Variants in PSKH2 observed in about 807,000 individuals in gnomAD.
The protein encoded by PSKH2 is serine/threonine-protein kinase H2.
PSKH2 carries 16 observed loss-of-function variants against 22.5 expected under a neutral mutation model. The observed-to-expected ratio is 0.71, with a 90% CI of 0.48 to 1.08. The LOEUF (loss-of-function observed/expected upper bound fraction) is 1.08. PSKH2 is among the 50% of genes least tolerant of loss of function. The pLI is 0.00. For synonymous variants in PSKH2, 188 were observed against 184.8 expected, an observed-to-expected ratio of 1.02 and a Z score of -0.14; for missense variants, 516 against 492.8, an observed-to-expected ratio of 1.05 and a Z score of -0.44.
In PSKH2 at chr8:86,062,567, G is replaced by A. The variant is rs371078045; in HGVS notation, c.852+1398C>T. ...CTCATGATAGTGAGCGAGTTCTAAC[G>A]AGATCTGATGGTTTTATAAAGGGCT... On this transcript the variant is annotated intron_variant, in intron 2 of 2. Transcript: ENST00000276616. Among the ~76,000 whole-genome samples, 20 of 152,138 alleles carry A rather than the reference G, an allele frequency of 1.3e-4. No individual in the cohort carries two copies. In the East Asian group the frequency reaches 2.5e-3, roughly 19 times the overall value.
At chr8:86,053,997 A>T (rs1274512607) in intron 2 of PSKH2, among the ~76,000 whole-genome samples, 1 of 152,152 alleles carries the variant, frequency 6.6e-6, no homozygotes, top group Non-Finnish European at 1.5e-5. Flanking sequence ...TGATCATACC[A>T]CAGTAACCAG....
At chr8:86,059,065 G>A (rs1315712781) in intron 2 of PSKH2, among the ~76,000 whole-genome samples, 1 of 152,074 alleles carries the variant, frequency 6.6e-6, no homozygotes, top group Non-Finnish European at 1.5e-5. Context: ...TCAGCCTCCA[G>A]AATAGCGGGG....
intron 2 of PSKH2, among the ~76,000 whole-genome samples, chr8:86,063,069 G>A (rs905349151): frequency 6.6e-5 from 10 of 152,024 alleles, no homozygotes; most frequent in African/African-American, 2.2e-4. Context: ...CTACTTCCTT[G>A]TATAAATTTT....
chr8:86,068,654 T>C lies in PSKH2; in HGVS notation c.185+784A>G, dbSNP rs983738571. Among the ~76,000 whole-genome samples the C allele has an allele frequency of 2.0e-5, 3 of 152,318 alleles. No homozygotes were observed. The East Asian group carries it at 5.8e-4, about 29-fold the overall frequency. On this transcript the variant is annotated intron_variant, in intron 1 of 2. Transcript: ENST00000276616. ...TGGTACATGATAGAAGATATGGAAC[T>C]GGACCTCAAGTCTGGCTGACTCAAA...
At chr8:86,067,307 G>A (rs1490547670) in intron 1 of PSKH2, among the ~76,000 whole-genome samples, 1 of 151,826 alleles carries the variant, frequency 6.6e-6, no homozygotes, top group East Asian at 1.9e-4. Context: ...GTCCTCAACT[G>A]CCATGAATGG....
intron 1 of PSKH2, among the ~76,000 whole-genome samples, chr8:86,067,562 G>T (rs934526161): frequency 6.6e-6 from 1 of 151,426 alleles, no homozygotes; most frequent in African/African-American, 2.4e-5. Context: ...AGTTTAGTAG[G>T]TTGGACAATT....
intron 2 of PSKH2, among the ~76,000 whole-genome samples, chr8:86,061,230 G>A (rs911200679): frequency 6.6e-6 from 1 of 152,070 alleles, no homozygotes; most frequent in Non-Finnish European, 1.5e-5. Context: ...GTCTCCCCAG[G>A]AGTCTATCCA....
intron 2 of PSKH2, among the ~76,000 whole-genome samples, chr8:86,050,360 T>C (rs1792702840): frequency 1.3e-5 from 2 of 152,176 alleles, no homozygotes; most frequent in Non-Finnish European, 2.9e-5. Flanking sequence ...GGCTCTACGC[T>C]ATCTAACACC....
chr8:86,052,037 T>A (rs1198431902), intron 2 of PSKH2, among the ~76,000 whole-genome samples: 1 of 152,194 alleles, frequency 6.6e-6, no homozygotes, highest in Non-Finnish European at 1.5e-5. Context: ...CTATGTTTAG[T>A]AAAGTATAAA....
rs1817757460 is a variant in PSKH2 at position 86,060,261 on chromosome 8, T to TTTTGTGTGGCTCC, written c.852+3691_852+3703dup. Among the ~76,000 whole-genome samples, 5 of 152,226 alleles carry TTTTGTGTGGCTCC rather than the reference T, an allele frequency of 3.3e-5. No individual in the cohort carries two copies. In the South Asian group the frequency reaches 1.0e-3, roughly 32 times the overall value. On this transcript the variant is annotated intron_variant, in intron 2 of 2. Coordinates refer to ENST00000276616, the MANE Select transcript of PSKH2 (RefSeq NM_033126.3). ...ATTTGGCTCTTCTTTAAGTCTCATC[T>TTTTGTGTGGCTCC]TTTGTGTGGCTCCTGTGCACAGAAA...
chr8:86,049,728 AAGAAAGAAAGAAAGAAAG>A (rs1817593686), intron 2 of PSKH2, among the ~76,000 whole-genome samples: 1 of 64,486 alleles, frequency 1.6e-5, no homozygotes, highest in Middle Eastern at 7.7e-3. Context: ...GAAAGAAAGA[AAGAAAGAAAGAAAGAAAG>A]AAACGAAAGA....
At chr8:86,062,622 G>C (rs752268228) in intron 2 of PSKH2, among the ~76,000 whole-genome samples, 1 of 148,484 alleles carries the variant, frequency 6.7e-6, no homozygotes, top group African/African-American at 2.4e-5. Flanking sequence ...TCCTGTCACC[G>C]TGTGAGAAGG....
intron 2 of PSKH2, among the ~76,000 whole-genome samples, chr8:86,053,112 G>T (rs1006458317): frequency 2.0e-5 from 3 of 152,110 alleles, no homozygotes; most frequent in Non-Finnish European, 2.9e-5. Context: ...CCAGTTTTTT[G>T]ATGAACAATA....
At chr8:86,060,582 C>A (rs980290441) in intron 2 of PSKH2, among the ~76,000 whole-genome samples, 2 of 152,116 alleles carry the variant, frequency 1.3e-5, no homozygotes, top group Non-Finnish European at 2.9e-5. Flanking sequence ...TGAGCCCTAA[C>A]CCCCAGTGTG....
At chr8:86,061,089 T>C (rs1378731923) in intron 2 of PSKH2, among the ~76,000 whole-genome samples, 1 of 152,172 alleles carries the variant, frequency 6.6e-6, no homozygotes, top group African/African-American at 2.4e-5. Context: ...ATAGGTGTGG[T>C]GTGAAAACCC....
chr8:86,047,611 A>C lies in PSKH2; in HGVS notation c.*851T>G, dbSNP rs1474709070. 6.6e-6 allele frequency among the ~76,000 whole-genome samples: 1 copy of C among 152,166 alleles called. No individual in the cohort carries two copies. The highest frequency in any genetic ancestry group is 1.5e-5 in the Non-Finnish European group (1 of 68,002). ...ATATCATTTTACAAAAATTTACCAT[A>C]TAAGAGATCAGGCCATATGTGACTT... On this transcript the variant is annotated 3_prime_UTR_variant, in exon 3 of 3. Transcript: ENST00000276616.
intron 1 of PSKH2, among the ~76,000 whole-genome samples, chr8:86,067,700 T>A (rs1238129379): frequency 6.6e-6 from 1 of 152,156 alleles, no homozygotes; most frequent in Non-Finnish European, 1.5e-5. Context: ...TGTTACAATC[T>A]GCTTGAGAGA....
In PSKH2 at chr8:86,061,520, A is replaced by C. The variant is rs144074036; in HGVS notation, c.852+2445T>G. Among the ~76,000 whole-genome samples, 44 of 151,986 alleles carry C rather than the reference A, an allele frequency of 2.9e-4. No individual in the cohort carries two copies. The East Asian group carries it at 8.5e-3, about 29-fold the overall frequency. On this transcript the variant is annotated intron_variant, in intron 2 of 2. Transcript: ENST00000276616. ...AATGATGCAGACATGGAGCTGTGCT[A>C]TTTTCAAGTTTAGCCTTGAAGAGGA...
chr8:86,050,852 C>T (rs1056070660), intron 2 of PSKH2, among the ~76,000 whole-genome samples: 2 of 152,146 alleles, frequency 1.3e-5, no homozygotes, highest in African/African-American at 2.4e-5. Flanking sequence ...CATACATAGA[C>T]ATCACATTCT....
Sources: allele counts gnomAD v4.1 joint callset (sites outside exome capture counted in the v4.1 genomes callset), GRCh38; gene constraint gnomAD v4.1.1; transcripts MANE v1.5; gene names NCBI Gene and HGNC (gene_info 2026-07-23, HGNC 2026-07-21).